The following GRID1 variants were observed in gnomAD, a reference collection of about 807,000 sequenced individuals.
GRID1 encodes the protein glutamate receptor ionotropic, delta-1.
GRID1 carries 28 observed loss-of-function variants against 98.0 expected under a neutral mutation model. The observed-to-expected ratio is 0.29, with a 90% CI of 0.21 to 0.39. GRID1 has a LOEUF of 0.39. Ranked by LOEUF, GRID1 falls within the 10% of genes least tolerant of loss-of-function variation. The pLI, the probability that GRID1 is intolerant of heterozygous loss-of-function variation, is 1.00. For missense variants in GRID1, 1,111 were observed against 1,340.5 expected, an observed-to-expected ratio of 0.83 and a Z score of 2.67; for synonymous variants, 553 against 538.5, an observed-to-expected ratio of 1.03 and a Z score of -0.37.
intron 4 of GRID1, among the ~76,000 whole-genome samples, chr10:86,133,891 A>C (rs1844875403): frequency 1.3e-5 from 2 of 152,260 alleles, no homozygotes; most frequent in Non-Finnish European, 2.9e-5. Context: ...AACTGGAAAG[A>C]AGGAGCAGCA....
At chr10:86,351,680 C>T (rs1333023676) in intron 2 of GRID1, among the ~76,000 whole-genome samples, 3 of 152,218 alleles carry the variant, frequency 2.0e-5, no homozygotes, top group East Asian at 1.9e-4. Flanking sequence ...GGCTCACCCA[C>T]AGCCACAGCA....
At chr10:86,229,029 C>G (rs567887696) in intron 2 of GRID1, among the ~76,000 whole-genome samples, 2 of 152,282 alleles carry the variant, frequency 1.3e-5, no homozygotes, top group African/African-American at 2.4e-5. Context: ...GAGGGGCTGC[C>G]TTGGTCCAGA....
Position 85,647,237 on chromosome 10 carries a change from T to A in GRID1, c.2158A>T (p.Asn720Tyr). 6.2e-7 allele frequency: 1 copy of A among 1,614,222 alleles called. No individual in the cohort carries two copies. The highest frequency in any genetic ancestry group is 8.5e-7 in the Non-Finnish European group (1 of 1,180,032). The change falls in exon 13 of 16, where the codon AAC becomes TAC. Residue 720 changes from asparagine to tyrosine, a missense_variant. Asn to Tyr is a moderately radical substitution (Grantham distance 143). Coordinates refer to ENST00000327946, the MANE Select transcript of GRID1 (RefSeq NM_017551.3). Reference protein sequence around the residue: ...RTISKNGGADNCVSSPSEGIR... With the variant: ...RTISKNGGADYCVSSPSEGIR... ...CCTTCTGAAGGACTGGACACGCAGT[T>A]GTCAGCCCCTCCGTTCTTGCTGATG...
intron 5 of GRID1, among the ~76,000 whole-genome samples, chr10:85,912,992 A>C (rs1841562177): frequency 6.6e-6 from 1 of 152,216 alleles, no homozygotes. Flanking sequence ...CTAAAACCGG[A>C]AACAGTAGTC....
chr10:86,087,339 GTT>G (rs941752017), intron 4 of GRID1, among the ~76,000 whole-genome samples: 1 of 130,436 alleles, frequency 7.7e-6, no homozygotes, highest in African/African-American at 3.7e-5. Flanking sequence ...GTTTGAGTGT[GTT>G]TGTGTGTGTG....
At chr10:85,983,431 G>A (rs1842570056) in intron 4 of GRID1, among the ~76,000 whole-genome samples, 1 of 152,198 alleles carries the variant, frequency 6.6e-6, no homozygotes, top group Admixed American at 6.5e-5. Flanking sequence ...CCGGCCCTGT[G>A]GTAACTCCCC....
At chr10:85,944,923 T>C (rs1375714731) in intron 4 of GRID1, among the ~76,000 whole-genome samples, 3 of 152,210 alleles carry the variant, frequency 2.0e-5, no homozygotes, top group Admixed American at 6.5e-5. Flanking sequence ...CAGAATATTA[T>C]AATACTGACA....
At chr10:85,722,806 T>A (rs2132650229) in intron 12 of GRID1, among the ~76,000 whole-genome samples, 197 bp downstream of exon 12, 1 of 152,328 alleles carries the variant, frequency 6.6e-6, no homozygotes, top group East Asian at 1.9e-4. Context: ...ATTTAATGAA[T>A]TTATACATTT....
At chr10:86,158,687 A>T (rs1259048787) in intron 3 of GRID1, among the ~76,000 whole-genome samples, 1 of 152,136 alleles carries the variant, frequency 6.6e-6, no homozygotes, top group Non-Finnish European at 1.5e-5. Flanking sequence ...ACCAATGGGA[A>T]GCAAAATATG....
At chr10:86,293,291 C>T (rs1364602067) in intron 2 of GRID1, among the ~76,000 whole-genome samples, 1 of 152,142 alleles carries the variant, frequency 6.6e-6, no homozygotes, top group African/African-American at 2.4e-5. Flanking sequence ...AAGGAGCCAT[C>T]GCCTACCTCC....
chr10:85,799,503 T>A (rs1054419169), intron 8 of GRID1, among the ~76,000 whole-genome samples: 12 of 152,136 alleles, frequency 7.9e-5, no homozygotes, highest in African/African-American at 2.4e-4. Context: ...TTTTAAAATG[T>A]GTTATACATA....
chr10:85,891,140 T>C (rs1841194705), intron 5 of GRID1, among the ~76,000 whole-genome samples: 1 of 152,198 alleles, frequency 6.6e-6, no homozygotes, highest in Non-Finnish European at 1.5e-5. Context: ...TGCACAACTA[T>C]CCCTACCACT....
At chr10:85,910,124 A>G (rs944290845) in intron 5 of GRID1, among the ~76,000 whole-genome samples, 1 of 152,204 alleles carries the variant, frequency 6.6e-6, no homozygotes, top group South Asian at 2.1e-4. Flanking sequence ...AGAAACAAGT[A>G]AAAAGATTAT....
intron 4 of GRID1, among the ~76,000 whole-genome samples, chr10:86,011,885 T>C (rs945487293): frequency 6.6e-6 from 1 of 152,190 alleles, no homozygotes; most frequent in African/African-American, 2.4e-5. Context: ...CGGCCGGGCA[T>C]GAGGGCTTAC....
At chr10:86,325,694 A>G (rs1848039280) in intron 2 of GRID1, among the ~76,000 whole-genome samples, 1 of 152,234 alleles carries the variant, frequency 6.6e-6, no homozygotes, top group Admixed American at 6.5e-5. Context: ...TTCAGAAATT[A>G]ATTTGAATTG....
chr10:85,957,925 T>G (rs1842215936), intron 4 of GRID1, among the ~76,000 whole-genome samples: 1 of 152,226 alleles, frequency 6.6e-6, no homozygotes, highest in Admixed American at 6.5e-5. Flanking sequence ...TGAGACAAGC[T>G]GCAAGTAAGG....
intron 2 of GRID1, among the ~76,000 whole-genome samples, chr10:86,345,348 T>G (rs1896519): frequency 0.95 from 145,354 of 152,260 alleles, 69,495 homozygotes; most frequent in East Asian, 1. Flanking sequence ...GAGGCCTGGG[T>G]CTATCAGACC....
chr10:86,221,564 G>A (rs924199858), intron 2 of GRID1, among the ~76,000 whole-genome samples: 2 of 152,304 alleles, frequency 1.3e-5, no homozygotes, highest in South Asian at 2.1e-4. Flanking sequence ...GTAGCCTGGG[G>A]TGTCAAGGGG....
intron 8 of GRID1, among the ~76,000 whole-genome samples, chr10:85,845,027 A>T (rs112384052): frequency 0.014 from 2,094 of 152,068 alleles, 46 homozygotes; most frequent in African/African-American, 0.047. Flanking sequence ...TCTGATATCA[A>T]GAACAAAATA....
Sources: gnomAD v4.1 joint callset for allele counts (sites outside exome capture counted in the v4.1 genomes callset) on GRCh38, gnomAD v4.1.1 for gene constraint, MANE v1.5 for transcripts, NCBI Gene and HGNC (gene_info 2026-07-23, HGNC 2026-07-21) for gene names.